CEP76: variants seen among roughly 807,000 people sequenced by gnomAD.
The protein encoded by CEP76 is centrosomal protein 76.
CEP76 carries 55 observed loss-of-function variants against 83.3 expected under a neutral mutation model. The observed-to-expected ratio is 0.66, with a 90% confidence interval of 0.53 to 0.83. The LOEUF (loss-of-function observed/expected upper bound fraction) is 0.83, where lower values mean the gene tolerates loss of function less well. Among genes scored for constraint, CEP76 ranks in the 40% least tolerant of loss-of-function variants. The pLI is 0.00. For synonymous variants in CEP76, 270 were observed against 274.5 expected (o/e 0.98, Z 0.16); for missense variants, 694 against 799.5 (o/e 0.87, Z 1.59).
intron 8 of CEP76, among the ~76,000 whole-genome samples, chr18:12,682,297 C>T (rs1309991515): frequency 6.6e-6 from 1 of 151,962 alleles, no homozygotes; most frequent in Non-Finnish European, 1.5e-5. Context: ...TCAAGTGATT[C>T]CCCCGCCTCA....
At chr18:12,698,608 G>C (rs1171303996) in intron 4 of CEP76, among the ~76,000 whole-genome samples, 1 of 152,032 alleles carries the variant, frequency 6.6e-6, no homozygotes, top group African/African-American at 2.4e-5. Context: ...CCTAAACTTC[G>C]ACTTTTAAAA....
intron 7 of CEP76, among the ~76,000 whole-genome samples, chr18:12,689,910 T>C (rs2039688834): frequency 6.6e-6 from 1 of 152,144 alleles, no homozygotes; most frequent in South Asian, 2.1e-4. Flanking sequence ...TGCCTCAGCC[T>C]CCTGACTAAC....
chr18:12,702,770 C>T (rs887749176), upstream of CEP76: 5 of 583,858 alleles, frequency 8.6e-6, no homozygotes, highest in Admixed American at 6.6e-5. Context: ...CAGTGGCGGA[C>T]AAACAGGGCT....
Position 12,686,242 on chromosome 18 carries a change from C to G in CEP76, c.1122+20G>C, listed in dbSNP as rs770860636. The G allele has an allele frequency of 6.3e-7, 1 of 1,580,812 alleles. No individual in the cohort carries two copies. Among genetic ancestry groups the G allele is most frequent in the South Asian group, 1.1e-5 (1 of 88,256 alleles). ...AACTATGATATACTGCTACTTAATT[C>G]TATTATGTGTGTATAATACCTTGTT... On this transcript the variant is annotated intron_variant, in intron 8 of 11. Transcript: ENST00000262127.
At chr18:12,697,464 A>G (rs1053181184) in intron 4 of CEP76, 56 bp from the exon 5 acceptor site, 37 of 1,134,372 alleles carry the variant, frequency 3.3e-5, no homozygotes, top group Non-Finnish European at 4.2e-5. Context: ...TTAGGCCAAC[A>G]TAAAAGAATA....
At chr18:12,685,136 G>C (rs1384181036) in intron 8 of CEP76, 3 of 152,006 alleles carry the variant, frequency 2.0e-5, no homozygotes, top group Non-Finnish European at 4.4e-5. Flanking sequence ...CAGTAGCTAA[G>C]ATTACAGGCA....
chr18:12,687,625 G>GT (rs2039589021), intron 7 of CEP76, among the ~76,000 whole-genome samples: 1 of 151,444 alleles, frequency 6.6e-6, no homozygotes, highest in African/African-American at 2.4e-5. Flanking sequence ...GCTAATTTTT[G>GT]TATTTTTGTA....
chr18:12,687,454 A>ATTTTT (rs1259960536), intron 7 of CEP76, among the ~76,000 whole-genome samples: 1 of 140,736 alleles, frequency 7.1e-6, no homozygotes, highest in Non-Finnish European at 1.6e-5. Flanking sequence ...GAAGGCATCA[A>ATTTTT]TTTTTTTTTT....
intron 1 of CEP76, among the ~76,000 whole-genome samples, 160 bp from the exon 2 acceptor site, chr18:12,701,273 A>G (rs1445762473): frequency 2.0e-5 from 3 of 152,214 alleles, no homozygotes; most frequent in African/African-American, 7.2e-5. Context: ...TTGAGTACAA[A>G]TTCTAGAAAT....
intron 9 of CEP76, among the ~76,000 whole-genome samples, chr18:12,679,660 G>A (rs533055524): frequency 1.3e-5 from 2 of 152,256 alleles, no homozygotes; most frequent in Admixed American, 6.5e-5. Context: ...TTTAAAAAAT[G>A]TGTCCAGTGG....
chr18:12,702,710 G>A lies in CEP76; in HGVS notation c.-162C>T, dbSNP rs1381436449. On this transcript the variant is annotated 5_prime_UTR_variant, in exon 1 of 12. Coordinates refer to ENST00000262127, the MANE Select transcript of CEP76 (RefSeq NM_024899.4). ...GACGCAACGCCGCGTCAGGCCGGGG[G>A]CTGACCTGGAAATGAGGCCCCGGCG... 8.1e-6 allele frequency: 6 copies of A among 742,312 alleles called. No individual in the cohort carries two copies. Among genetic ancestry groups the A allele is most frequent in the East Asian group, 6.1e-5 (2 of 32,936 alleles). The allele number at this position is 742,312 out of a possible 1,614,324, so 46.0% of individuals were successfully genotyped here.
In CEP76 at chr18:12,666,170, A is replaced by G. The variant is rs763459677; in HGVS notation, c.*1728-4001T>C. Among the ~76,000 whole-genome samples, 650 of 141,692 alleles carry G rather than the reference A, an allele frequency of 4.6e-3. 4 individuals carry two copies. Among genetic ancestry groups the G allele is most frequent in the Middle Eastern group, 0.024 (7 of 288 alleles). The allele number at this position is 141,692 out of a possible 152,430, so 93.0% of individuals were successfully genotyped here. On this transcript the variant is annotated intron_variant and NMD_transcript_variant, in intron 12 of 12. Coordinates refer to the CEP76 transcript ENST00000590143. ...CATCTCTACAAAAAAAAAAAAAAAA[A>G]GTTTAAAATTAGCCAGTCATGGTGG...
chr18:12,674,821 A>G lies in CEP76; in HGVS notation c.1624-68T>C, dbSNP rs1218831834. On this transcript the variant is annotated intron_variant, in intron 10 of 11. Coordinates refer to ENST00000262127, the MANE Select transcript of CEP76 (RefSeq NM_024899.4). Reference sequence around the variant, plus strand: ...TATTTTTAAAACCAACTAAATAAAAATGTTGATTATTTTAATGTATACCAA... The same window carrying G: ...TATTTTTAAAACCAACTAAATAAAAGTGTTGATTATTTTAATGTATACCAA... 1.2e-5 allele frequency: 12 copies of G among 972,878 alleles called. No individual in the cohort carries two copies. In the East Asian group the frequency reaches 2.4e-4, roughly 20 times the overall value. 60.3% of individuals were successfully genotyped at this position (972,878 alleles called of 1,614,324 possible). A position where few individuals can be genotyped will look rare whatever the true frequency, so the allele number is the denominator to read the frequency against.
intron 12 of CEP76, among the ~76,000 whole-genome samples, chr18:12,662,776 CA>C (rs1018478813): frequency 3.3e-5 from 5 of 151,140 alleles, no homozygotes; most frequent in African/African-American, 9.7e-5. Context: ...GACCTTGTCT[CA>C]AAAAAAAGAA....
chr18:12,676,377 C>T (rs926077830), intron 10 of CEP76, among the ~76,000 whole-genome samples: 3 of 150,618 alleles, frequency 2.0e-5, no homozygotes, highest in Admixed American at 1.3e-4. Context: ...TCTGCCTCCC[C>T]GGCTCCTTTC....
rs528967798 is a variant in CEP76, at chr18:12,699,064, T to A, written c.435A>T (p.Gln145His). Residue 145 changes from glutamine to histidine, a missense_variant, in exon 4 of 12, where the codon CAA becomes CAT. Transcript: ENST00000262127. ...TFTLCLHYRN[Q>H]RFRSKPVPCA... ...ATGGAACAGGTTTAGAACGAAAACG[T>A]TGGTTTCGATAATGTAAACATAAAG... 1 of 1,613,988 alleles carries A rather than the reference T, an allele frequency of 6.2e-7. No individual in the cohort carries two copies. Among genetic ancestry groups the A allele is most frequent in the African/African-American group, 1.3e-5 (1 of 74,942 alleles).
chr18:12,702,453 C>T, intron 1 of CEP76, 33 bp downstream of exon 1: 1 of 1,539,752 alleles, frequency 6.5e-7, no homozygotes, highest in South Asian at 1.1e-5. Context: ...ATGGGTCGGC[C>T]CGGCGGTCTC....
intron 6 of CEP76, among the ~76,000 whole-genome samples, chr18:12,693,839 C>A (rs2039855266): frequency 6.6e-6 from 1 of 151,970 alleles, no homozygotes. Context: ...TGTGTATACA[C>A]CATTTATTTA....
At chr18:12,700,862 C>T in intron 2 of CEP76, 96 bp downstream of exon 2, 1 of 993,852 alleles carries the variant, frequency 1.0e-6, no homozygotes, top group Non-Finnish European at 1.5e-6. Flanking sequence ...AGTGGTTTTA[C>T]TAAAACGAAA....
Sources: gnomAD v4.1 joint callset for allele counts (sites outside exome capture counted in the v4.1 genomes callset) on GRCh38, gnomAD v4.1.1 for gene constraint, MANE v1.5 for transcripts, NCBI Gene and HGNC (gene_info 2026-07-23, HGNC 2026-07-21) for gene names.